The following SNTG1 variants were observed in gnomAD, a reference collection of about 807,000 sequenced individuals.
SNTG1 encodes the protein syntrophin gamma 1.
Under a neutral mutation model 74.7 loss-of-function variants are expected in SNTG1, and 39 were observed. That is an observed-to-expected ratio of 0.52 (90% CI 0.40 to 0.68). SNTG1 has a LOEUF of 0.68. Among genes scored for constraint, SNTG1 ranks in the 30% least tolerant of loss-of-function variants. The pLI is 0.00. For synonymous variants in SNTG1, 254 were observed against 217.1 expected (o/e 1.17, Z -1.49); for missense variants, 685 against 609.5 (o/e 1.12, Z -1.30).
rs187231788 is a variant in SNTG1, at chr8:50,332,024, A to T, written c.-27-62188A>T. On this transcript the variant is annotated intron_variant, in intron 2 of 18. Transcript: ENST00000642720. ...AATGGAATCACAAAGGTGAATGTAG[A>T]ATTCTGAGGCCATGCTGTTAAGTAG... Among the ~76,000 whole-genome samples the T allele has an allele frequency of 2.6e-3, 390 of 152,320 alleles. 4 individuals carry two copies. Among genetic ancestry groups the T allele is most frequent in the Non-Finnish European group, 2.7e-3 (182 of 68,024 alleles).
intron 2 of SNTG1, among the ~76,000 whole-genome samples, chr8:50,326,073 A>T (rs1421165164): frequency 2.6e-5 from 4 of 152,052 alleles, no homozygotes; most frequent in Non-Finnish European, 5.9e-5. Context: ...GCCTGAAATG[A>T]ATTCCAAGTG....
intron 13 of SNTG1, among the ~76,000 whole-genome samples, chr8:50,644,740 C>A (rs2095096325): frequency 6.6e-6 from 1 of 152,074 alleles, no homozygotes; most frequent in African/African-American, 2.4e-5. Flanking sequence ...GATACATGTA[C>A]CCTCCCTTGA....
rs1440564060 is a variant in SNTG1 at position 50,710,976 on chromosome 8, C to G, written c.1284+1998C>G. Among the ~76,000 whole-genome samples the G allele has an allele frequency of 4.6e-5, 7 of 152,128 alleles. No individual in the cohort carries two copies. The South Asian group carries it at 1.5e-3, about 32-fold the overall frequency. On this transcript the variant is annotated intron_variant, in intron 17 of 18. Transcript: ENST00000642720. Reference sequence around the variant, plus strand: ...TGGGAAAGGCTAAAAGGAATCTACACATTAATCAAGAAGGTTATATTATCC... The same window carrying G: ...TGGGAAAGGCTAAAAGGAATCTACAGATTAATCAAGAAGGTTATATTATCC...
At chr8:50,381,608 C>A (rs1333621614) in intron 2 of SNTG1, among the ~76,000 whole-genome samples, 14 of 122,158 alleles carry the variant, frequency 1.1e-4, no homozygotes, top group East Asian at 2.2e-4. Flanking sequence ...ATATATATAT[C>A]TCCTATTAGT....
At chr8:49,986,129 G>A (rs561700851) in intron 1 of SNTG1, among the ~76,000 whole-genome samples, 15 of 152,234 alleles carry the variant, frequency 9.9e-5, no homozygotes, top group African/African-American at 3.6e-4. Flanking sequence ...GTGCTGATCA[G>A]ACCTATCGAG....
At chr8:50,637,361 G>T (rs775014485) in intron 13 of SNTG1, among the ~76,000 whole-genome samples, 1 of 151,820 alleles carries the variant, frequency 6.6e-6, no homozygotes, top group African/African-American at 2.4e-5. Context: ...CAGAAAAAAT[G>T]TCCCACGAAG....
chr8:49,967,805 G>T (rs1811284128), intron 1 of SNTG1, among the ~76,000 whole-genome samples: 1 of 152,278 alleles, frequency 6.6e-6, no homozygotes, highest in African/African-American at 2.4e-5. Context: ...TTAATGGAAA[G>T]GTCTTAAGCA....
intron 1 of SNTG1, among the ~76,000 whole-genome samples, chr8:50,134,531 A>G (rs546899498): frequency 6.6e-6 from 1 of 152,080 alleles, no homozygotes; most frequent in Non-Finnish European, 1.5e-5. Flanking sequence ...GCTTTTTTTT[A>G]AATAGAATAT....
At chr8:50,256,395 A>C (rs1249772089) in intron 2 of SNTG1, among the ~76,000 whole-genome samples, 1 of 151,752 alleles carries the variant, frequency 6.6e-6, no homozygotes, top group Admixed American at 6.6e-5. Context: ...ATTTAAAAAT[A>C]ATATTAAAAT....
chr8:50,370,582 C>T (rs981072285), intron 2 of SNTG1, among the ~76,000 whole-genome samples: 2 of 151,998 alleles, frequency 1.3e-5, no homozygotes, highest in African/African-American at 2.4e-5. Context: ...TCTCCTCGCC[C>T]TTTCACCCCT....
intron 15 of SNTG1, among the ~76,000 whole-genome samples, chr8:50,668,031 C>T (rs1228955397): frequency 5.3e-5 from 8 of 152,006 alleles, no homozygotes; most frequent in South Asian, 4.1e-4. Context: ...AGCCATTCCT[C>T]GTTCTGTCTA....
chr8:50,224,456 A>C (rs1013101675), intron 2 of SNTG1, among the ~76,000 whole-genome samples: 3 of 152,150 alleles, frequency 2.0e-5, no homozygotes, highest in African/African-American at 4.8e-5. Context: ...TCAAAGGAAG[A>C]CTCAGGACCC....
At chr8:50,622,186 A>C (rs2094927652) in intron 13 of SNTG1, among the ~76,000 whole-genome samples, 1 of 152,188 alleles carries the variant, frequency 6.6e-6, no homozygotes, top group Non-Finnish European at 1.5e-5. Context: ...TAGAACATTA[A>C]AAACTGCCAG....
intron 2 of SNTG1, among the ~76,000 whole-genome samples, chr8:50,300,425 G>C (rs1161885184): frequency 6.6e-6 from 1 of 152,054 alleles, no homozygotes; most frequent in Non-Finnish European, 1.5e-5. Flanking sequence ...TCTTAAATCT[G>C]TGCCCAGCCA....
intron 1 of SNTG1, among the ~76,000 whole-genome samples, chr8:50,098,384 A>G (rs1382084016): frequency 6.6e-6 from 1 of 152,214 alleles, no homozygotes; most frequent in Non-Finnish European, 1.5e-5. Flanking sequence ...AATTGCATCT[A>G]TACTGAAGAT....
intron 12 of SNTG1, among the ~76,000 whole-genome samples, chr8:50,581,872 G>A (rs1461519264): frequency 6.6e-6 from 1 of 152,200 alleles, no homozygotes; most frequent in Non-Finnish European, 1.5e-5. Flanking sequence ...AGAATGTCTA[G>A]TGATAGACCT....
At chr8:50,701,741 T>C (rs1170852295) in intron 15 of SNTG1, among the ~76,000 whole-genome samples, 1 of 46,640 alleles carries the variant, frequency 2.1e-5, no homozygotes, top group Non-Finnish European at 4.3e-5. Context: ...TTTTTCTTTT[T>C]CTTCTCCTTC....
chr8:49,984,279 C>T (rs1812949864), intron 1 of SNTG1, among the ~76,000 whole-genome samples: 2 of 151,802 alleles, frequency 1.3e-5, no homozygotes, highest in African/African-American at 4.8e-5. Context: ...GATCTCGGCT[C>T]ACTGCATCTT....
At chr8:50,676,483 T>A (rs2095310138) in intron 15 of SNTG1, among the ~76,000 whole-genome samples, 1 of 151,984 alleles carries the variant, frequency 6.6e-6, no homozygotes, top group African/African-American at 2.4e-5. Context: ...AGTTCATTTG[T>A]GTGTATGTTC....
Sources: gnomAD v4.1 joint callset for allele counts (sites outside exome capture counted in the v4.1 genomes callset) on GRCh38, gnomAD v4.1.1 for gene constraint, MANE v1.5 for transcripts, NCBI Gene and HGNC (gene_info 2026-07-23, HGNC 2026-07-21) for gene names.